SIMC1: variants seen among roughly 807,000 people sequenced by gnomAD.
SIMC1 encodes SUMO-interacting motif-containing protein 1.
A neutral mutation model predicts 82.3 loss-of-function variants in SIMC1; 55 were observed. The ratio of observed to expected loss-of-function variants is 0.67; its 90% confidence interval spans 0.54 to 0.84. SIMC1 has a LOEUF of 0.84. Among genes scored for constraint, SIMC1 ranks in the 40% least tolerant of loss-of-function variants. The probability of loss-of-function intolerance (pLI) is 0.00; values close to 1 mark genes in which losing one functional copy is unlikely to be tolerated. For synonymous variants in SIMC1, 353 were observed against 426.3 expected (o/e 0.83, Z 2.12); for missense variants, 915 against 1,107.2 (o/e 0.83, Z 2.46).
chr5:176,299,874 G>T (rs1407385755), intron 4 of SIMC1, among the ~76,000 whole-genome samples: 1 of 152,038 alleles, frequency 6.6e-6, no homozygotes, highest in African/African-American at 2.4e-5. Context: ...CCACATGTTG[G>T]GCCACAAAAC....
intron 4 of SIMC1, among the ~76,000 whole-genome samples, chr5:176,312,406 G>A (rs1764700102): frequency 6.6e-6 from 1 of 151,930 alleles, no homozygotes; most frequent in Non-Finnish European, 1.5e-5. Flanking sequence ...CCTGGTGGCA[G>A]GCACCTATAA....
In SIMC1 at chr5:176,258,009, A is replaced by T. The variant is rs187588766; in HGVS notation, c.129+19372A>T. 4.0e-3 allele frequency among the ~76,000 whole-genome samples: 614 copies of T among 152,302 alleles called. 9 individuals carry two copies. Among genetic ancestry groups the T allele is most frequent in the African/African-American group, 0.014 (568 of 41,572 alleles). ...AACCACTACGTTAGTTTTATAAGTT[A>T]ATTAAAGGAGAGTTAATGTCTTTAC... On this transcript the variant is annotated intron_variant, in intron 1 of 9. Coordinates refer to ENST00000429602, the MANE Select transcript of SIMC1 (RefSeq NM_001308195.2).
At chr5:176,327,009 G>A (rs1765422988) in intron 7 of SIMC1, among the ~76,000 whole-genome samples, 1 of 152,238 alleles carries the variant, frequency 6.6e-6, no homozygotes, top group African/African-American at 2.4e-5. Context: ...GAGGCAGTGT[G>A]TTGTACTGGT....
At chr5:176,307,745 A>G (rs550082905) in intron 4 of SIMC1, among the ~76,000 whole-genome samples, 179 of 152,348 alleles carry the variant, frequency 1.2e-3, no homozygotes, top group African/African-American at 4.1e-3. Context: ...ACAGACAATA[A>G]TAAACATTGC....
chr5:176,279,771 T>C (rs1392015162), intron 1 of SIMC1, among the ~76,000 whole-genome samples: 1 of 151,690 alleles, frequency 6.6e-6, no homozygotes, highest in Non-Finnish European at 1.5e-5. Context: ...AGTTTCCATG[T>C]AGTTGAGGAG....
At chr5:176,260,930 C>G (rs1761991573) in intron 1 of SIMC1, 1 of 152,198 alleles carries the variant, frequency 6.6e-6, no homozygotes, top group African/African-American at 2.4e-5. Context: ...GAAGCAGGGC[C>G]CAGGTGAACT....
chr5:176,298,023 C>G (rs1310067464), intron 4 of SIMC1, among the ~76,000 whole-genome samples: 1 of 152,158 alleles, frequency 6.6e-6, no homozygotes, highest in East Asian at 1.9e-4. Flanking sequence ...CTAGGAAGCT[C>G]CAGGCCCTTG....
At chr5:176,325,699 T>G (rs2878421) in intron 7 of SIMC1, among the ~76,000 whole-genome samples, 68,717 of 151,716 alleles carry the variant, frequency 0.45, 17,372 homozygotes, top group Non-Finnish European at 0.57. Context: ...AAATAAATAA[T>G]AAATTAATTA....
chr5:176,285,472 T>C (rs1483144507), intron 1 of SIMC1, among the ~76,000 whole-genome samples: 2 of 152,244 alleles, frequency 1.3e-5, no homozygotes, highest in Admixed American at 6.5e-5. Context: ...AAATTAGTTA[T>C]TGATGGGACG....
At chr5:176,252,406 T>G (rs1281807376) in intron 1 of SIMC1, among the ~76,000 whole-genome samples, 2 of 125,140 alleles carry the variant, frequency 1.6e-5, no homozygotes, top group African/African-American at 6.3e-5. Flanking sequence ...AGGCAGAGGG[T>G]CTCCTCACTT....
At chr5:176,248,032 A>G (rs1277081872) in intron 1 of SIMC1, among the ~76,000 whole-genome samples, 2 of 151,864 alleles carry the variant, frequency 1.3e-5, no homozygotes, top group African/African-American at 2.4e-5. Flanking sequence ...GTTTGAACTC[A>G]GGTAGTGTGA....
At position 176,322,383 on chromosome 5, in the gene SIMC1, ACCCTTCTT is replaced by A. The variant is rs775138842; in HGVS notation, c.2004_2011del (p.Ser669AlafsTer35). 2.5e-6 allele frequency: 4 copies of A among 1,608,652 alleles called. No homozygotes were observed. The highest frequency in any genetic ancestry group is 3.4e-6 in the Non-Finnish European group (4 of 1,177,626). ...GGAATCTTGAAAGCCAGCAGTAGCC[ACCCTTCTT>A]CCCAGCCCAACCTGACAAAGAACAC... On this transcript the variant is annotated frameshift_variant, in exon 6 of 10. Transcript: ENST00000429602. LOFTEE classifies it high-confidence loss of function.
chr5:176,336,933 G>A (rs1232719110), intron 8 of SIMC1, 57 bp downstream of exon 8: 13 of 1,605,586 alleles, frequency 8.1e-6, no homozygotes, highest in East Asian at 2.2e-5. Flanking sequence ...CTCTAGGCCC[G>A]AACCCTTCCC....
intron 1 of SIMC1, chr5:176,270,182 C>T (rs1762364816): frequency 6.6e-6 from 1 of 151,654 alleles, no homozygotes; most frequent in South Asian, 2.1e-4. Context: ...ACTAGAAAAT[C>T]CATCAATATA....
At chr5:176,248,890 C>T (rs188978717) in intron 1 of SIMC1, among the ~76,000 whole-genome samples, 20 of 150,738 alleles carry the variant, frequency 1.3e-4, no homozygotes, top group African/African-American at 4.6e-4. Context: ...TTGGTTCTGT[C>T]GATGGATTAC....
intron 9 of SIMC1, among the ~76,000 whole-genome samples, chr5:176,339,027 G>A (rs1766019526): frequency 6.6e-6 from 1 of 152,138 alleles, no homozygotes; most frequent in South Asian, 2.1e-4. Context: ...GGTAGGCTAA[G>A]GGTCTTCTCT....
chr5:176,241,510 A>AGTTCCTCT (rs1761273610), intron 1 of SIMC1, among the ~76,000 whole-genome samples: 1 of 150,548 alleles, frequency 6.6e-6, no homozygotes, highest in African/African-American at 2.5e-5. Flanking sequence ...TTGTTTATTA[A>AGTTCCTCT]GTTCCTCTTA....
chr5:176,343,760 C>CA (rs1766261006), intron 9 of SIMC1, among the ~76,000 whole-genome samples: 1 of 152,070 alleles, frequency 6.6e-6, no homozygotes, highest in African/African-American at 2.4e-5. Context: ...TTATCACACT[C>CA]ACGAAACTTT....
Position 176,345,324 on chromosome 5 carries a change from T to C in SIMC1, c.2555T>C (p.Leu852Pro), listed in dbSNP as rs1320285313. 1 of 1,613,986 alleles carries C rather than the reference T, an allele frequency of 6.2e-7. No homozygotes were observed. The highest frequency in any genetic ancestry group is 1.7e-5 in the Admixed American group (1 of 60,018). The change falls in exon 10 of 10, where the codon CTG becomes CCG. Residue 852 changes from leucine (L) to proline (P), a missense_variant. Coordinates refer to ENST00000429602, the MANE Select transcript of SIMC1 (RefSeq NM_001308195.2). ...EAFRSRLIQM[L>P]GEPLVPQLQD... ...TTCCGCAGCCGCCTGATCCAGATGC[T>C]GGGGGAGCCTCTTGTCCCCCAACTC...
Sources: gnomAD v4.1 joint callset for allele counts (sites outside exome capture counted in the v4.1 genomes callset) on GRCh38, gnomAD v4.1.1 for gene constraint, MANE v1.5 for transcripts, NCBI Gene and HGNC (gene_info 2026-07-23, HGNC 2026-07-21) for gene names.